The following NPAS3 variants were observed in gnomAD, a reference collection of about 807,000 sequenced individuals.
NPAS3 encodes neuronal PAS domain protein 3.
NPAS3 carries 14 observed loss-of-function variants against 73.1 expected under a neutral mutation model. The observed-to-expected ratio is 0.19, with a 90% CI of 0.13 to 0.30. NPAS3 has a LOEUF of 0.30. Ranked by LOEUF, NPAS3 falls within the 10% of genes least tolerant of loss-of-function variation. The pLI is 1.00. For synonymous variants in NPAS3, 620 were observed against 541.5 expected (o/e 1.14, Z -2.01); for missense variants, 1,096 against 1,250.0 (o/e 0.88, Z 1.86).
intron 7 of NPAS3, among the ~76,000 whole-genome samples, chr14:33,743,902 T>G (rs558614250): frequency 7.2e-5 from 11 of 152,250 alleles, no homozygotes; most frequent in Non-Finnish European, 1.3e-4. Flanking sequence ...CTGTTTCTTC[T>G]GCAACTTCTT....
intron 3 of NPAS3, among the ~76,000 whole-genome samples, chr14:33,289,426 GA>G (rs1444314527): frequency 1.3e-5 from 2 of 152,124 alleles, no homozygotes; most frequent in Non-Finnish European, 2.9e-5. Context: ...TTTAAAACCT[GA>G]AAGATGGCTT....
At chr14:32,949,037 A>G (rs1400346687) in intron 1 of NPAS3, among the ~76,000 whole-genome samples, 1 of 152,120 alleles carries the variant, frequency 6.6e-6, no homozygotes, top group Admixed American at 6.6e-5. Context: ...AAAATTTTAT[A>G]CAGGGTAAGG....
intron 3 of NPAS3, among the ~76,000 whole-genome samples, chr14:33,366,117 C>T (rs1432536754): frequency 1.3e-5 from 2 of 152,080 alleles, no homozygotes; most frequent in African/African-American, 4.8e-5. Context: ...ATGATGTCCT[C>T]ACTTTTGATT....
chr14:33,191,832 C>T (rs1240802965), intron 2 of NPAS3, among the ~76,000 whole-genome samples: 8 of 152,132 alleles, frequency 5.3e-5, no homozygotes, highest in Non-Finnish European at 7.4e-5. Context: ...ATTTTATTTC[C>T]AAATTTATGT....
At chr14:33,488,757 G>A (rs937674907) in intron 4 of NPAS3, among the ~76,000 whole-genome samples, 1 of 152,158 alleles carries the variant, frequency 6.6e-6, no homozygotes, top group African/African-American at 2.4e-5. Flanking sequence ...CGCTGGCACA[G>A]TTCTGGGTGT....
intron 1 of NPAS3, among the ~76,000 whole-genome samples, chr14:33,047,398 G>T (rs946068834): frequency 6.6e-6 from 1 of 152,124 alleles, no homozygotes; most frequent in Non-Finnish European, 1.5e-5. Flanking sequence ...GACAGGAGCT[G>T]TAAAGAGATC....
At chr14:33,499,480 A>G (rs1426956806) in intron 4 of NPAS3, among the ~76,000 whole-genome samples, 2 of 151,954 alleles carry the variant, frequency 1.3e-5, no homozygotes, top group Non-Finnish European at 2.9e-5. Context: ...AAAAGAAAGT[A>G]TAAGTATACT....
At chr14:33,538,981 G>A (rs1390834967) in intron 4 of NPAS3, among the ~76,000 whole-genome samples, 2 of 152,080 alleles carry the variant, frequency 1.3e-5, no homozygotes, top group African/African-American at 4.8e-5. Flanking sequence ...CTTTTGAGTT[G>A]TTTACTGTTT....
At position 33,308,527 on chromosome 14, in the gene NPAS3, T is replaced by TATATATATATAC; in HGVS notation, c.386-58658_386-58657insTATATATATACA. Among the ~76,000 whole-genome samples the TATATATATATAC allele has an allele frequency of 1.8e-3, 187 of 103,652 alleles. 3 individuals carry two copies. The highest frequency in any genetic ancestry group is 4.4e-3 in the Middle Eastern group (1 of 226). The allele number at this position is 103,652 out of a possible 152,430, so 68.0% of individuals were successfully genotyped here. Reference sequence around the variant, plus strand: ...TGCATAGTTTATATATATATATATATACATACACACACACACACACACACA... The same window carrying TATATATATATAC: ...TGCATAGTTTATATATATATATATATATATATATATACACATACACACACACACACACACACA... On this transcript the variant is annotated intron_variant, in intron 3 of 11. Transcript: ENST00000356141.
At chr14:32,936,492 G>A (rs1732205407), upstream of NPAS3, among the ~76,000 whole-genome samples, 1 of 152,060 alleles carries the variant, frequency 6.6e-6, no homozygotes, top group African/African-American at 2.4e-5. Flanking sequence ...CCTTTTCATG[G>A]TTCAGGTATG....
At chr14:33,229,200 A>G (rs1266964393) in intron 3 of NPAS3, among the ~76,000 whole-genome samples, 2 of 152,246 alleles carry the variant, frequency 1.3e-5, no homozygotes, top group East Asian at 3.9e-4. Context: ...AACTAAAGGC[A>G]TGAATCACAT....
At chr14:33,074,616 C>G (rs920833867) in intron 2 of NPAS3, among the ~76,000 whole-genome samples, 1 of 152,168 alleles carries the variant, frequency 6.6e-6, no homozygotes, top group African/African-American at 2.4e-5. Context: ...GGGATTTCAC[C>G]ATGTTGGCCA....
chr14:33,139,126 T>G (rs183726704), intron 2 of NPAS3, among the ~76,000 whole-genome samples: 7 of 152,340 alleles, frequency 4.6e-5, no homozygotes, highest in Admixed American at 4.6e-4. Flanking sequence ...AGTAATATTC[T>G]GTTTAGTACA....
At position 32,985,801 on chromosome 14, in the gene NPAS3, C is replaced by T. The variant is rs2038072357; in HGVS notation, c.50+46435C>T. 2.0e-5 allele frequency among the ~76,000 whole-genome samples: 3 copies of T among 152,144 alleles called. No homozygotes were observed. The South Asian group carries it at 6.2e-4, about 32-fold the overall frequency. On this transcript the variant is annotated intron_variant, in intron 1 of 11. Coordinates refer to ENST00000356141, the Ensembl canonical transcript of NPAS3. ...CATGGATGGCAGCAGCCTGATTCTC[C>T]ATAATGCAAGGAAATAGCTTAGAAG... is the stretch of plus-strand genomic sequence containing the variant.
At chr14:33,380,078 A>C (rs1053272224) in intron 4 of NPAS3, among the ~76,000 whole-genome samples, 9 of 151,766 alleles carry the variant, frequency 5.9e-5, no homozygotes, top group African/African-American at 1.7e-4. Context: ...AAAAATACAG[A>C]TAAGCAAAGA....
intron 4 of NPAS3, among the ~76,000 whole-genome samples, chr14:33,402,693 C>A (rs2047496861): frequency 6.6e-6 from 1 of 152,182 alleles, no homozygotes; most frequent in African/African-American, 2.4e-5. Context: ...TTTTTCACAA[C>A]TCTGTCATCA....
intron 1 of NPAS3, among the ~76,000 whole-genome samples, chr14:32,955,111 A>T (rs903707119): frequency 6.6e-6 from 1 of 152,160 alleles, no homozygotes; most frequent in African/African-American, 2.4e-5. Context: ...AGGCTTGGTC[A>T]AAAGAACCTG....
chr14:33,782,701 C>A (rs1317804519), intron 9 of NPAS3, among the ~76,000 whole-genome samples: 1 of 152,012 alleles, frequency 6.6e-6, no homozygotes, highest in Admixed American at 6.5e-5. Context: ...TAGCACCTGA[C>A]CCAGTCTCAG....
intron 6 of NPAS3, among the ~76,000 whole-genome samples, chr14:33,676,822 T>G (rs1231559515): frequency 1.3e-5 from 2 of 152,216 alleles, no homozygotes; most frequent in Non-Finnish European, 2.9e-5. Flanking sequence ...TTTATTTTTT[T>G]AAAGCATCAG....
Sources: gnomAD v4.1 joint callset for allele counts (sites outside exome capture counted in the v4.1 genomes callset) on GRCh38, gnomAD v4.1.1 for gene constraint, MANE v1.5 for transcripts, NCBI Gene and HGNC (gene_info 2026-07-23, HGNC 2026-07-21) for gene names.